ITGB2: variants seen among roughly 807,000 people sequenced by gnomAD.
ITGB2 encodes the protein integrin subunit beta 2.
A neutral mutation model predicts 86.8 loss-of-function variants in ITGB2; 56 were observed. The observed-to-expected ratio is 0.65, with a 90% CI of 0.52 to 0.81. ITGB2 has a LOEUF of 0.81. ITGB2 is among the 30% of genes least tolerant of loss of function. The pLI, the probability that ITGB2 is intolerant of heterozygous loss-of-function variation, is 0.00. For synonymous variants in ITGB2, 457 were observed against 450.4 expected (o/e 1.01, Z -0.19); for missense variants, 948 against 1,061.2 (o/e 0.89, Z 1.48).
rs764082334 is a variant in ITGB2 at position 44,903,586 on chromosome 21, G to T, written c.329-51C>A. 2.5e-6 allele frequency: 4 copies of T among 1,609,112 alleles called. No homozygotes were observed. The African/African-American group carries it at 4.0e-5, about 16-fold the overall frequency. Reference sequence around the variant, plus strand: ...AGCCACACCTCACATCTCACACAGGGTGTCTGGGGGCGTGTGGCCCCGAGC... The same window carrying T: ...AGCCACACCTCACATCTCACACAGGTTGTCTGGGGGCGTGTGGCCCCGAGC... On this transcript the variant is annotated intron_variant, in intron 4 of 15. Coordinates refer to ENST00000652462, the MANE Select transcript of ITGB2 (RefSeq NM_000211.5).
chr21:44,902,921 A>T (rs1006965627), intron 5 of ITGB2, among the ~76,000 whole-genome samples: 7 of 152,212 alleles, frequency 4.6e-5, no homozygotes, highest in African/African-American at 1.7e-4. Context: ...TGACTGACAC[A>T]CACGTGTGCT....
intron 1 of ITGB2, among the ~76,000 whole-genome samples, chr21:44,915,241 G>T (rs1394871872): frequency 6.6e-6 from 1 of 152,160 alleles, no homozygotes; most frequent in Non-Finnish European, 1.5e-5. Context: ...GATCAGGATG[G>T]TCTCGATCTC....
intron 1 of ITGB2, among the ~76,000 whole-genome samples, chr21:44,917,310 G>GA (rs371170189): frequency 1.8e-4 from 28 of 152,110 alleles, no homozygotes; most frequent in African/African-American, 4.3e-4. Context: ...AATTTATGGG[G>GA]AAAAAAAGAG....
At chr21:44,906,786 C>A in intron 4 of ITGB2, 129 bp downstream of exon 4, 1 of 961,620 alleles carries the variant, frequency 1.0e-6, no homozygotes, top group Non-Finnish European at 1.6e-6. Context: ...TTCACTGGCC[C>A]ACACACCCGT....
intron 12 of ITGB2, 56 bp from the exon 13 acceptor site, chr21:44,889,551 C>G: frequency 6.8e-7 from 1 of 1,465,778 alleles, no homozygotes; most frequent in Non-Finnish European, 9.3e-7. Flanking sequence ...CCGAGACCCG[C>G]CCGAAACCCC....
chr21:44,900,745 C>A (rs1053403747), intron 6 of ITGB2, among the ~76,000 whole-genome samples: 4 of 152,210 alleles, frequency 2.6e-5, no homozygotes, highest in South Asian at 2.1e-4. Context: ...GCGGTCCCTG[C>A]ACTTCAGAGC....
rs1399985648 is a variant in ITGB2, at chr21:44,888,902, G to A, written c.1878-7C>T. 1 of 1,602,512 alleles carries A rather than the reference G, an allele frequency of 6.2e-7. No individual in the cohort carries two copies. Among genetic ancestry groups the A allele is most frequent in the South Asian group, 1.1e-5 (1 of 91,046 alleles). ...CAGGCACTCGGCGCAGGAGCTGCGG[G>A]GAGCCAGGTGTGAGCATCGGTGCCA... On this transcript the variant is annotated splice_region_variant and splice_polypyrimidine_tract_variant and intron_variant, in intron 13 of 15. Transcript: ENST00000652462.
intron 11 of ITGB2, among the ~76,000 whole-genome samples, chr21:44,890,835 C>T (rs545553735): frequency 2.6e-5 from 4 of 152,202 alleles, no homozygotes; most frequent in East Asian, 1.9e-4. Context: ...GGGCACCCCC[C>T]GACACCTGCC....
chr21:44,926,330 T>C (rs943267951), intron 1 of ITGB2, among the ~76,000 whole-genome samples: 2 of 152,216 alleles, frequency 1.3e-5, no homozygotes, highest in Non-Finnish European at 2.9e-5. Flanking sequence ...GTGCACGTTT[T>C]TCTTTGTGGA....
chr21:44,915,057 C>T (rs962142434), intron 1 of ITGB2, among the ~76,000 whole-genome samples: 5 of 152,234 alleles, frequency 3.3e-5, no homozygotes, highest in South Asian at 4.2e-4. Context: ...GACGGAGTTG[C>T]GCTGTCACCG....
chr21:44,899,185 A>C, intron 7 of ITGB2, 23 bp from the exon 8 acceptor site: 1 of 1,580,106 alleles, frequency 6.3e-7, no homozygotes, highest in Non-Finnish European at 8.7e-7. Context: ...GGTCCTGCTC[A>C]GTTGGCCCCG....
intron 3 of ITGB2, 150 bp downstream of exon 3, chr21:44,910,134 C>A: frequency 2.2e-6 from 2 of 903,600 alleles, no homozygotes; most frequent in South Asian, 3.4e-5. Flanking sequence ...ACCTCAGGGG[C>A]CCCTTGAGGG....
At chr21:44,892,418 G>A (rs953151129) in intron 10 of ITGB2, among the ~76,000 whole-genome samples, 1 of 152,138 alleles carries the variant, frequency 6.6e-6, no homozygotes, top group Non-Finnish European at 1.5e-5. Flanking sequence ...GCAAGAGTTT[G>A]AGACCAGCCT....
intron 10 of ITGB2, chr21:44,893,191 A>C: frequency 5.4e-6 from 3 of 560,738 alleles, no homozygotes; most frequent in Non-Finnish European, 9.7e-6. Context: ...GGAAAGAAAC[A>C]GGGTCCTTCC....
chr21:44,907,331 C>T (rs537597530), intron 3 of ITGB2, among the ~76,000 whole-genome samples: 19 of 152,338 alleles, frequency 1.2e-4, no homozygotes, highest in African/African-American at 4.6e-4. Flanking sequence ...TCCTCCTCTG[C>T]CTCTAGCGGC....
chr21:44,908,138 A>G (rs2084072018), intron 3 of ITGB2: 1 of 738,750 alleles, frequency 1.4e-6, no homozygotes, highest in Non-Finnish European at 2.5e-6. Flanking sequence ...TCCTCCGGGG[A>G]CTGCTCGCCG....
intron 1 of ITGB2, among the ~76,000 whole-genome samples, chr21:44,913,843 C>G (rs1003382148): frequency 6.6e-6 from 1 of 152,192 alleles, no homozygotes; most frequent in Non-Finnish European, 1.5e-5. Context: ...GTCGAAGGGC[C>G]TGTGCCAGCT....
At position 44,889,489 on chromosome 21, in the gene ITGB2, C is replaced by T; in HGVS notation, c.1664G>A (p.Gly555Glu). The change falls in exon 13 of 16, where the codon GGG (glycine) becomes GAG (glutamate). Residue 555 changes from glycine to glutamate, a missense_variant. Coordinates refer to ENST00000652462, the MANE Select transcript of ITGB2 (RefSeq NM_000211.5). ...GCGGCACTTCCCGCAGAAGCAGAGC[C>T]CCCTCCCTGGAAGACGGGGCAGCAC... is the stretch of plus-strand genomic sequence containing the variant. ...NGQVCGGPGR[G>E]LCFCGKCRCH... The T allele has an allele frequency of 6.4e-7, 1 of 1,566,946 alleles. No homozygotes were observed. Among genetic ancestry groups the T allele is most frequent in the Non-Finnish European group, 8.6e-7 (1 of 1,156,510 alleles).
intron 1 of ITGB2, among the ~76,000 whole-genome samples, chr21:44,912,351 C>T (rs769502258): frequency 6.6e-6 from 1 of 152,218 alleles, no homozygotes; most frequent in Admixed American, 6.5e-5. Flanking sequence ...AAGCCCTGCA[C>T]CTGTGCTGGG....
Sources: gnomAD v4.1 joint callset for allele counts (sites outside exome capture counted in the v4.1 genomes callset) on GRCh38, gnomAD v4.1.1 for gene constraint, MANE v1.5 for transcripts, NCBI Gene and HGNC (gene_info 2026-07-23, HGNC 2026-07-21) for gene names.